The following BTBD9 variants were observed in gnomAD, a reference collection of about 807,000 sequenced individuals.
The protein encoded by BTBD9 is BTB domain containing 9, also known as BTB/POZ domain-containing protein 9.
In BTBD9, 49 loss-of-function variants were observed where a neutral mutation model predicts 64.3. The ratio of observed to expected loss-of-function variants is 0.76; its 90% CI spans 0.61 to 0.97. The LOEUF is 0.97. BTBD9 is among the 50% of genes least tolerant of loss of function. The probability of loss-of-function intolerance (pLI) is 0.00; values close to 1 mark genes in which losing one functional copy is unlikely to be tolerated. For missense variants in BTBD9, 598 were observed against 762.1 expected (o/e 0.78, Z 2.53); for synonymous variants, 260 against 274.7 (o/e 0.95, Z 0.53).
At chr6:38,464,244 G>A (rs571866636) in intron 6 of BTBD9, among the ~76,000 whole-genome samples, 1 of 152,100 alleles carries the variant, frequency 6.6e-6, no homozygotes, top group African/African-American at 2.4e-5. Context: ...TTTCAGACTC[G>A]TGAGAAAATA....
intron 6 of BTBD9, among the ~76,000 whole-genome samples, chr6:38,353,234 G>A (rs6922620): frequency 0.27 from 41,251 of 152,042 alleles, 6,479 homozygotes; most frequent in East Asian, 0.44. Flanking sequence ...AGGCTTCTTA[G>A]CATCTGGAAA....
intron 9 of BTBD9, among the ~76,000 whole-genome samples, chr6:38,234,957 C>T (rs562002420): frequency 2.6e-5 from 4 of 152,316 alleles, no homozygotes; most frequent in African/African-American, 9.6e-5. Context: ...AATTCCAACA[C>T]AGATTTTCAC....
At chr6:38,508,938 C>CT (rs1415590941) in intron 6 of BTBD9, among the ~76,000 whole-genome samples, 1 of 152,182 alleles carries the variant, frequency 6.6e-6, no homozygotes, top group East Asian at 1.9e-4. Flanking sequence ...CAGAGCCCTA[C>CT]TTCAGAGAAC....
chr6:38,580,453 G>A lies in BTBD9; in HGVS notation c.815-16C>T. On this transcript the variant is annotated splice_polypyrimidine_tract_variant and intron_variant, in intron 4 of 10. Transcript: ENST00000481247. ...TCTTCTGGTACTACAGTTAAAAATA[G>A]AAAAAGCAAGGTTAATGATTACTTA... 2 of 1,589,032 alleles carry A rather than the reference G, an allele frequency of 1.3e-6. No individual in the cohort carries two copies. The highest frequency in any genetic ancestry group is 2.2e-5 in the East Asian group (1 of 44,610).
intron 6 of BTBD9, among the ~76,000 whole-genome samples, chr6:38,397,585 T>C (rs1766737286): frequency 6.6e-6 from 1 of 152,214 alleles, no homozygotes; most frequent in African/African-American, 2.4e-5. Context: ...GCAGTGGCCA[T>C]ACTTCAGCGT....
intron 6 of BTBD9, among the ~76,000 whole-genome samples, chr6:38,401,132 T>C (rs555237607): frequency 1.3e-5 from 2 of 152,318 alleles, no homozygotes; most frequent in African/African-American, 4.8e-5. Flanking sequence ...AATCCCCACA[T>C]GTCAAGGGAG....
chr6:38,409,075 C>T (rs1767294409), intron 6 of BTBD9, among the ~76,000 whole-genome samples: 1 of 152,140 alleles, frequency 6.6e-6, no homozygotes, highest in Non-Finnish European at 1.5e-5. Context: ...CATGGTGAAA[C>T]CCTGTCTTCA....
At chr6:38,418,241 T>TA (rs1767762015) in intron 6 of BTBD9, among the ~76,000 whole-genome samples, 2 of 152,184 alleles carry the variant, frequency 1.3e-5, no homozygotes, top group Admixed American at 1.3e-4. Context: ...AATACAGGAA[T>TA]AAATATGTTT....
In BTBD9 at chr6:38,491,790, G is replaced by A. The variant is rs375539040; in HGVS notation, c.1154+85810C>T. ...CCTGAGTCTTTCACCTGGCCCAACA[G>A]GGTGTATTAAGAGTAATTATGGAGT... is the stretch of plus-strand genomic sequence containing the variant. On this transcript the variant is annotated intron_variant, in intron 6 of 10. Transcript: ENST00000481247. Among the ~76,000 whole-genome samples the A allele has an allele frequency of 5.4e-4, 83 of 152,298 alleles. No individual in the cohort carries two copies. The South Asian group carries it at 6.4e-3, about 12-fold the overall frequency.
intron 6 of BTBD9, among the ~76,000 whole-genome samples, chr6:38,420,057 C>T (rs978016927): frequency 6.6e-6 from 1 of 152,042 alleles, no homozygotes; most frequent in African/African-American, 2.4e-5. Flanking sequence ...AAAAAAAACA[C>T]TGACATCTCA....
chr6:38,445,773 C>T (rs1769249557), intron 6 of BTBD9, among the ~76,000 whole-genome samples: 1 of 152,024 alleles, frequency 6.6e-6, no homozygotes, highest in Admixed American at 6.5e-5. Context: ...GTGGAATTTA[C>T]AATTCCAGAA....
intron 6 of BTBD9, among the ~76,000 whole-genome samples, chr6:38,497,624 G>T (rs893713904): frequency 2.0e-5 from 3 of 152,178 alleles, no homozygotes; most frequent in East Asian, 1.9e-4. Context: ...CAGAAAAGAT[G>T]AAAGGGAGGA....
chr6:38,447,057 C>T (rs933909414), intron 6 of BTBD9, among the ~76,000 whole-genome samples: 2 of 152,172 alleles, frequency 1.3e-5, no homozygotes, highest in African/African-American at 4.8e-5. Context: ...AATGGCATTT[C>T]ACAGCTCACC....
chr6:38,622,245 AC>A (rs1582731475), intron 1 of BTBD9, among the ~76,000 whole-genome samples: 2 of 152,240 alleles, frequency 1.3e-5, no homozygotes, highest in African/African-American at 4.8e-5. Flanking sequence ...CCCGGGGAGC[AC>A]TGGCAGTTAG....
At position 38,228,443 on chromosome 6, in the gene BTBD9, A is replaced by C. The variant is rs1198267874; in HGVS notation, c.1562+27966T>G. ...TATGATGTGTCAGTGTAGGTTCATC[A>C]AATGCAACAAATGTACCACTCTGGT... On this transcript the variant is annotated intron_variant, in intron 9 of 10. Coordinates refer to ENST00000481247, the MANE Select transcript of BTBD9 (RefSeq NM_001099272.2). 1.3e-5 allele frequency among the ~76,000 whole-genome samples: 2 copies of C among 151,274 alleles called. 1 individual carries two copies.
At chr6:38,474,629 G>T (rs188951241) in intron 6 of BTBD9, among the ~76,000 whole-genome samples, 2 of 152,234 alleles carry the variant, frequency 1.3e-5, no homozygotes, top group Admixed American at 1.3e-4. Flanking sequence ...TCATTCCCAG[G>T]GCCTAGCACA....
rs1176956810 is a variant in BTBD9 at position 38,491,327 on chromosome 6, G to A, written c.1154+86273C>T. On this transcript the variant is annotated intron_variant, in intron 6 of 10. Coordinates refer to ENST00000481247, the MANE Select transcript of BTBD9 (RefSeq NM_001099272.2). ...GCAAGGTGTTAGTTACATAATAGTGGCATTGTGTTGTGGGTGCCACCAACA... is the reference window on the plus strand; with the variant it reads ...GCAAGGTGTTAGTTACATAATAGTGACATTGTGTTGTGGGTGCCACCAACA... Among the ~76,000 whole-genome samples the A allele has an allele frequency of 1.3e-5, 2 of 152,184 alleles. 1 individual carries two copies. The highest frequency in any genetic ancestry group is 6.3e-3 in the Middle Eastern group (2 of 316).
intron 6 of BTBD9, among the ~76,000 whole-genome samples, chr6:38,401,171 G>A (rs575696906): frequency 6.6e-6 from 1 of 152,134 alleles, no homozygotes; most frequent in African/African-American, 2.4e-5. Flanking sequence ...CTGGGTCATG[G>A]GGACTGTTTC....
At chr6:38,242,472 T>C (rs1336746713) in intron 9 of BTBD9, among the ~76,000 whole-genome samples, 1 of 152,238 alleles carries the variant, frequency 6.6e-6, no homozygotes, top group Non-Finnish European at 1.5e-5. Flanking sequence ...CTGTGACTGC[T>C]GTCTCATCTG....
Sources: allele counts gnomAD v4.1 joint callset (sites outside exome capture counted in the v4.1 genomes callset), GRCh38; gene constraint gnomAD v4.1.1; transcripts MANE v1.5; gene names NCBI Gene and HGNC (gene_info 2026-07-23, HGNC 2026-07-21).